Variants in GLRA2 observed in about 807,000 individuals in gnomAD.
The protein encoded by GLRA2 is glycine receptor subunit alpha-2.
In GLRA2, 11 loss-of-function variants were observed where a neutral mutation model predicts 31.6. The ratio of observed to expected loss-of-function variants is 0.35; its 90% CI spans 0.22 to 0.58. The LOEUF is 0.58. Ranked by LOEUF, GLRA2 falls within the 20% of genes least tolerant of loss-of-function variation. The pLI is 0.84. For synonymous variants in GLRA2, 132 were observed against 134.0 expected, an observed-to-expected ratio of 0.99 and a Z score of 0.10; for missense variants, 212 against 351.8, an observed-to-expected ratio of 0.60 and a Z score of 3.18.
At chrX:14,467,926 G>C in the GLRA2 span, among the ~76,000 whole-genome samples, 3 of 111,736 alleles carry the variant, frequency 2.7e-5, no homozygotes, top group Admixed American at 9.5e-5. Context: ...ATAGCAAAGG[G>C]TGAGGCAGAA....
Position 14,581,235 on chromosome X carries a change from C to A in GLRA2, c.323C>A (p.Ala108Glu), listed in dbSNP as rs753510143. The change falls in exon 4 of 9, where the codon GCG (alanine) becomes GAG (glutamate). Residue 108 changes from alanine (A) to glutamate (E), a missense_variant. Ala to Glu is a moderately radical substitution (Grantham distance 107). Coordinates refer to ENST00000218075, the MANE Select transcript of GLRA2 (RefSeq NM_002063.4). The stretch of plus-strand genomic sequence containing the variant: ...CAACAGTGGAATGATTCACGGCTGG[C>A]GTACAGTGAGTACCCAGATGACTCC... ...LRQQWNDSRL[A>E]YSEYPDDSLD... 1 of 1,190,357 alleles carries A rather than the reference C, an allele frequency of 8.4e-7. No homozygotes were observed.
At chrX:14,506,401 C>G in the GLRA2 span, among the ~76,000 whole-genome samples, 2 of 110,997 alleles carry the variant, frequency 1.8e-5, no homozygotes, top group Non-Finnish European at 3.8e-5. Flanking sequence ...TCAGTTTCTC[C>G]TACATCATTT....
the GLRA2 span, among the ~76,000 whole-genome samples, chrX:14,493,708 C>CATGTATACTTATATACGTGTAT: frequency 1.2e-5 from 1 of 85,012 alleles, no homozygotes; most frequent in Non-Finnish European, 2.1e-5. Flanking sequence ...TATGTATACA[C>CATGTATACTTATATACGTGTAT]ATGTATACAT....
intron 7 of GLRA2, among the ~76,000 whole-genome samples, chrX:14,672,111 C>T (rs755332156): frequency 1.2e-4 from 14 of 112,393 alleles, no homozygotes; most frequent in South Asian, 7.3e-4. Flanking sequence ...GACCCCAAAT[C>T]GTGAGATAAT....
At chrX:14,724,700 T>C (rs1268817643) in intron 8 of GLRA2, among the ~76,000 whole-genome samples, 2 of 108,091 alleles carry the variant, frequency 1.9e-5, no homozygotes, top group Non-Finnish European at 3.8e-5. Flanking sequence ...TGGAAGTTTC[T>C]TCTTTAAAAA....
At chrX:14,608,645 C>T (rs1041511819) in intron 6 of GLRA2, among the ~76,000 whole-genome samples, 24 of 110,316 alleles carry the variant, frequency 2.2e-4, no homozygotes, top group African/African-American at 7.2e-4. Flanking sequence ...TTTATTTCCA[C>T]TGGTTATTTT....
chrX:14,493,690 C>T, the GLRA2 span, among the ~76,000 whole-genome samples: 256 of 79,780 alleles, frequency 3.2e-3, 1 homozygote, highest in African/African-American at 0.016. Flanking sequence ...TATACATATA[C>T]ACGTATATAT....
At chrX:14,461,986 C>G in the GLRA2 span, among the ~76,000 whole-genome samples, 1 of 112,136 alleles carries the variant, frequency 8.9e-6, no homozygotes, top group African/African-American at 3.2e-5. Context: ...GTGGCTGGTA[C>G]TCTTGTTCCT....
the GLRA2 span, among the ~76,000 whole-genome samples, chrX:14,494,667 C>T: frequency 1.8e-5 from 2 of 111,140 alleles, no homozygotes; most frequent in Non-Finnish European, 3.8e-5. Context: ...CTGGGAAAGT[C>T]CTGGGAAAAC....
the GLRA2 span, among the ~76,000 whole-genome samples, chrX:14,454,171 CA>C: frequency 2.2e-4 from 5 of 22,808 alleles, no homozygotes; most frequent in Admixed American, 5.8e-4. Flanking sequence ...CACCCACACA[CA>C]CCCACACCCA....
chrX:14,649,168 C>T (rs1268475298), intron 7 of GLRA2, among the ~76,000 whole-genome samples: 2 of 109,375 alleles, frequency 1.8e-5, no homozygotes, highest in Middle Eastern at 4.7e-3. Context: ...GAGCCGAGAT[C>T]GCGCCACTGC....
chrX:14,599,517 C>A (rs1415849626), intron 4 of GLRA2, among the ~76,000 whole-genome samples: 1 of 112,432 alleles, frequency 8.9e-6, no homozygotes, highest in Non-Finnish European at 1.9e-5. Context: ...GACATATCAG[C>A]CTTATTTGGT....
At chrX:14,614,850 A>G (rs189430268) in intron 7 of GLRA2, among the ~76,000 whole-genome samples, 45 of 111,933 alleles carry the variant, frequency 4.0e-4, no homozygotes, top group African/African-American at 1.4e-3. Flanking sequence ...ACCACCTTCT[A>G]TCCATCTTTA....
rs55910036 is a variant in GLRA2, at chrX:14,730,891, TACACACACACACACAC to T, written c.*450_*465del. 0.032 allele frequency: 3,083 copies of T among 97,691 alleles called. 112 individuals carry two copies. The highest frequency in any genetic ancestry group is 0.082 in the Admixed American group (618 of 7,535). 8.1% of individuals were successfully genotyped at this position (97,691 alleles called of 1,213,427 possible). A position where few individuals can be genotyped will look rare whatever the true frequency, so the allele number is the denominator to read the frequency against. ...AATTCTGGTACTGAAAAGTTAGCTA[TACACACACACACACAC>T]ACACACACACACACACACACACACA... On this transcript the variant is annotated 3_prime_UTR_variant, in exon 9 of 9. Transcript: ENST00000218075.
chrX:14,557,168 T>G (rs1041641832), intron 2 of GLRA2, among the ~76,000 whole-genome samples: 136 of 82,655 alleles, frequency 1.6e-3, no homozygotes, highest in Non-Finnish European at 2.5e-3. Flanking sequence ...CAGGCTGGAG[T>G]GCAGTGGCGC....
chrX:14,683,289 T>C lies in GLRA2; in HGVS notation c.931-7421T>C, dbSNP rs1460350733. ...CTCATTGTGCTTTTGATTTGCATTTTTCTGATGGCCAGTGATGATGAGCAG... is the reference window on the plus strand; with the variant it reads ...CTCATTGTGCTTTTGATTTGCATTTCTCTGATGGCCAGTGATGATGAGCAG... On this transcript the variant is annotated intron_variant, in intron 7 of 8. Transcript: ENST00000218075. Among the ~76,000 whole-genome samples the C allele has an allele frequency of 4.5e-5, 5 of 112,145 alleles. No homozygotes were observed. In the South Asian group the frequency reaches 1.1e-3, roughly 25 times the overall value.
the GLRA2 span, among the ~76,000 whole-genome samples, chrX:14,480,355 C>T: frequency 5.4e-5 from 6 of 111,995 alleles, no homozygotes; most frequent in South Asian, 2.2e-3. Context: ...TGTGCAGAAG[C>T]TCTTGAGTTT....
At chrX:14,451,120 C>A in the GLRA2 span, among the ~76,000 whole-genome samples, 1 of 111,551 alleles carries the variant, frequency 9.0e-6, no homozygotes, top group African/African-American at 3.3e-5. Flanking sequence ...GAATTTGTTA[C>A]CAGCCTTACA....
At chrX:14,605,115 T>A (rs1329826833) in intron 5 of GLRA2, among the ~76,000 whole-genome samples, 2 of 111,840 alleles carry the variant, frequency 1.8e-5, no homozygotes, top group African/African-American at 6.5e-5. Context: ...TTAAGAGATA[T>A]GAATTTCTTT....
Sources: allele counts gnomAD v4.1 joint callset (sites outside exome capture counted in the v4.1 genomes callset), GRCh38; gene constraint gnomAD v4.1.1; transcripts MANE v1.5; gene names NCBI Gene and HGNC (gene_info 2026-07-23, HGNC 2026-07-21).